Variants in GATA4 observed in about 807,000 individuals in gnomAD.
GATA4 encodes transcription factor GATA-4.
GATA4 carries 7 observed loss-of-function variants against 37.9 expected under a neutral mutation model. The ratio of observed to expected loss-of-function variants is 0.18; its 90% CI spans 0.11 to 0.35. The LOEUF (loss-of-function observed/expected upper bound fraction) is 0.35, where lower values mean the gene tolerates loss of function less well. Ranked by LOEUF, GATA4 falls within the 10% of genes least tolerant of loss-of-function variation. GATA4 has a pLI of 1.00. For missense variants in GATA4, 647 were observed against 653.0 expected (o/e 0.99, Z 0.10); for synonymous variants, 372 against 292.6 (o/e 1.27, Z -2.77).
rs1004996852 is a variant in GATA4, at chr8:11,754,960, C to T, written c.913-86C>T. The T allele has an allele frequency of 5.6e-6, 6 of 1,067,208 alleles. No homozygotes were observed. In the Admixed American group the frequency reaches 1.2e-4, roughly 21 times the overall value. 66.1% of individuals were successfully genotyped at this position (1,067,208 alleles called of 1,614,324 possible). ...TGTGGAGAGATTGCTTAGGTGTTGC[C>T]TTCTCGCAGCAGGTGTGTGTCTTTC... On this transcript the variant is annotated intron_variant, in intron 4 of 6. Coordinates refer to ENST00000532059, the MANE Select transcript of GATA4 (RefSeq NM_001308093.3).
At chr8:11,734,349 GT>G (rs1349576440) in intron 2 of GATA4, among the ~76,000 whole-genome samples, 15 of 152,190 alleles carry the variant, frequency 9.9e-5, no homozygotes, top group Non-Finnish European at 2.1e-4. Flanking sequence ...ATTTCTCAAA[GT>G]TCTGGAAGCC....
In GATA4 at chr8:11,713,245, C is replaced by T. The variant is rs117849079; in HGVS notation, c.616+4317C>T. 4.4e-4 allele frequency among the ~76,000 whole-genome samples: 67 copies of T among 152,224 alleles called. 1 individual carries two copies. In the East Asian group the frequency reaches 0.012, roughly 27 times the overall value. On this transcript the variant is annotated intron_variant, in intron 2 of 6. Coordinates refer to ENST00000532059, the MANE Select transcript of GATA4 (RefSeq NM_001308093.3). The stretch of plus-strand genomic sequence containing the variant: ...CAATGTATGTGAACTTTAATTCACT[C>T]CAAGTTCCATATGAGCTACGACCCT...
chr8:11,749,729 C>T lies in GATA4; in HGVS notation c.787-382C>T, dbSNP rs1802201138. Among the ~76,000 whole-genome samples the T allele has an allele frequency of 6.6e-6, 1 of 152,178 alleles. No homozygotes were observed. The highest frequency in any genetic ancestry group is 6.5e-5 in the Admixed American group (1 of 15,282). ...CATTCAGACTTTGATACCATTTGGA[C>T]ACCGTGATTCCTCACTCTCTGCCTG... On this transcript the variant is annotated intron_variant, in intron 3 of 6. Transcript: ENST00000532059. The surrounding 1 kb of genome is among the most constrained non-coding windows in gnomAD (Gnocchi z 4.6).
At chr8:11,728,906 G>A (rs1384160389) in intron 2 of GATA4, among the ~76,000 whole-genome samples, 2 of 152,172 alleles carry the variant, frequency 1.3e-5, no homozygotes, top group African/African-American at 4.8e-5. Context: ...CAGACTAATT[G>A]GGGTTATAGT....
At chr8:11,688,981 G>T (rs779425671), upstream of GATA4, among the ~76,000 whole-genome samples, 1 of 152,208 alleles carries the variant, frequency 6.6e-6, no homozygotes, top group East Asian at 1.9e-4. Context: ...ATTCAGAAAG[G>T]TCGGTTTACC....
intron 1 of GATA4, among the ~76,000 whole-genome samples, chr8:11,697,411 G>A (rs1026051832): frequency 6.6e-6 from 1 of 152,116 alleles, no homozygotes; most frequent in African/African-American, 2.4e-5. Context: ...CCTTTCTTGA[G>A]ACTGTTGTTA....
upstream of GATA4, among the ~76,000 whole-genome samples, chr8:11,687,664 A>T (rs751279245): frequency 1.1e-4 from 16 of 152,198 alleles, no homozygotes; most frequent in Non-Finnish European, 2.2e-4. Flanking sequence ...CTAATAAGTA[A>T]CAGAATTGAA....
rs148539559 is a variant in GATA4, at chr8:11,736,914, C to T, written c.617-12002C>T. ...AAATGTGTGCTGCCCAGGTCCACGA[C>T]TGCAGGGCATTGTCTCCTGGCCCTG... On this transcript the variant is annotated intron_variant, in intron 2 of 6. Coordinates refer to ENST00000532059, the MANE Select transcript of GATA4 (RefSeq NM_001308093.3). 2.1e-4 allele frequency among the ~76,000 whole-genome samples: 32 copies of T among 152,342 alleles called. 1 individual carries two copies. Among genetic ancestry groups the T allele is most frequent in the African/African-American group, 6.3e-4 (26 of 41,572 alleles).
chr8:11,742,477 T>C (rs749158496), intron 2 of GATA4, among the ~76,000 whole-genome samples: 14 of 151,882 alleles, frequency 9.2e-5, no homozygotes, highest in Non-Finnish European at 1.9e-4. Flanking sequence ...AGTCACATTC[T>C]GTCACTCCAG....
intron 1 of GATA4, among the ~76,000 whole-genome samples, chr8:11,695,786 C>T (rs1466219267): frequency 6.6e-6 from 1 of 152,112 alleles, no homozygotes; most frequent in African/African-American, 2.4e-5. Context: ...CTGCAGCCTG[C>T]CCAAAAACAT....
chr8:11,708,399 C>T lies in GATA4; in HGVS notation c.87C>T (p.Gly29=). ...GCGGCCCCGGCGCCTTCATGCACGGCGCGGGCGCCGCGTCCTCGCCAGTCT... is the reference window on the plus strand; with the variant it reads ...GCGGCCCCGGCGCCTTCATGCACGGTGCGGGCGCCGCGTCCTCGCCAGTCT... ...EAGGPGAFMH[G]AGAASSPVYV... is the part of the protein sequence containing the mutation. Residue 29 remains glycine (G), a synonymous_variant, in exon 2 of 7, where the codon GGC becomes GGT. Coordinates refer to ENST00000532059, the MANE Select transcript of GATA4 (RefSeq NM_001308093.3). This position sits in a 1 kb window ranked among gnomAD's most constrained non-coding sequence, Gnocchi z 6.7. 2.6e-6 allele frequency: 4 copies of T among 1,541,372 alleles called. No individual in the cohort carries two copies. The highest frequency in any genetic ancestry group is 2.6e-6 in the Non-Finnish European group (3 of 1,150,162).
At chr8:11,757,701 G>A (rs890549130) in intron 6 of GATA4, among the ~76,000 whole-genome samples, 1 of 152,212 alleles carries the variant, frequency 6.6e-6, no homozygotes, top group Non-Finnish European at 1.5e-5. Flanking sequence ...GTCAGGGGAC[G>A]CCCTGGGGCA....
chr8:11,695,028 C>T (rs1448026585), intron 1 of GATA4, among the ~76,000 whole-genome samples: 2 of 152,214 alleles, frequency 1.3e-5, no homozygotes, highest in African/African-American at 4.8e-5. Context: ...GCACTTTCAT[C>T]CTGCTACCTT....
intron 1 of GATA4, chr8:11,681,474 C>T: frequency 1.0e-6 from 1 of 956,546 alleles, no homozygotes; most frequent in Non-Finnish European, 1.2e-6. Flanking sequence ...CCGGTCCCCG[C>T]GCGGGGTGCG....
chr8:11,693,980 AG>A (rs1799427009), intron 1 of GATA4, among the ~76,000 whole-genome samples: 1 of 151,994 alleles, frequency 6.6e-6, no homozygotes, highest in South Asian at 2.1e-4. Flanking sequence ...GGTAAAAGAG[AG>A]GGGGGAACAC....
upstream of GATA4, among the ~76,000 whole-genome samples, chr8:11,689,259 A>G (rs1799238538): frequency 6.6e-6 from 1 of 152,236 alleles, no homozygotes; most frequent in South Asian, 2.1e-4. Flanking sequence ...AAATGGGAAG[A>G]CATTCACTCA....
intron 1 of GATA4, among the ~76,000 whole-genome samples, chr8:11,680,211 G>T (rs1193967080): frequency 2.0e-5 from 3 of 152,186 alleles, no homozygotes; most frequent in African/African-American, 7.2e-5. Flanking sequence ...GGAATGTCCC[G>T]ACCCCCGGCT....
chr8:11,701,752 C>A (rs1016723474), upstream of GATA4, among the ~76,000 whole-genome samples: 3 of 152,174 alleles, frequency 2.0e-5, no homozygotes, highest in African/African-American at 7.2e-5. Flanking sequence ...TTTCTCTGTC[C>A]CAGGCGACTT....
chr8:11,742,955 C>A (rs2130274995), intron 2 of GATA4, among the ~76,000 whole-genome samples: 1 of 152,366 alleles, frequency 6.6e-6, no homozygotes, highest in African/African-American at 2.4e-5. Context: ...AGGTCCCTCC[C>A]CTCCTGCCCA....
Sources: gnomAD v4.1 joint callset for allele counts (sites outside exome capture counted in the v4.1 genomes callset) on GRCh38, gnomAD v4.1.1 for gene constraint, Gnocchi (gnomAD v3.1) non-coding constraint, MANE v1.5 for transcripts, NCBI Gene and HGNC (gene_info 2026-07-23, HGNC 2026-07-21) for gene names.